OR5H2: variants seen among roughly 807,000 people sequenced by gnomAD.
OR5H2 encodes olfactory receptor family 5 subfamily H member 2.
For missense variants in OR5H2, 391 were observed against 364.4 expected (o/e 1.07, Z -0.59); for synonymous variants, 132 against 126.8 (o/e 1.04, Z -0.27).
At position 98,283,938 on chromosome 3, in the gene OR5H2, T is replaced by A; in HGVS notation, c.*106T>A. Reference sequence around the variant, plus strand: ...TGTAAATATAATTGTTTTAGCATTTTAATGACTTAGGGTTTTATACCTAAT... The same window carrying A: ...TGTAAATATAATTGTTTTAGCATTTAAATGACTTAGGGTTTTATACCTAAT... On this transcript the variant is annotated 3_prime_UTR_variant, in exon 1 of 1. Transcript: ENST00000355273. The A allele has an allele frequency of 1.6e-6, 1 of 629,904 alleles. No homozygotes were observed. The allele number at this position is 629,904 out of a possible 1,614,324, so 39.0% of individuals were successfully genotyped here. A position where few individuals can be genotyped will look rare whatever the true frequency, so the allele number is the denominator to read the frequency against.
Position 98,282,855 on chromosome 3 carries a change from G to A in OR5H2, c.-48G>A, listed in dbSNP as rs1194083739. On this transcript the variant is annotated 5_prime_UTR_variant, in exon 1 of 1. It removes an upstream start codon present in the reference 5' UTR. Transcript: ENST00000355273. The stretch of plus-strand genomic sequence containing the variant: ...ATTTGCTGTATAAGTCTTAGTGAAT[G>A]CTCTTTTACATTTACTGCATTTCAT... 1.3e-6 allele frequency: 2 copies of A among 1,548,024 alleles called. No homozygotes were observed. Among genetic ancestry groups the A allele is most frequent in the East Asian group, 2.2e-5 (1 of 44,546 alleles).
Position 98,283,393 on chromosome 3 carries a change from T to G in OR5H2, c.491T>G (p.Phe164Cys). The G allele has an allele frequency of 1.2e-6, 2 of 1,610,470 alleles. No homozygotes were observed. Among genetic ancestry groups the G allele is most frequent in the African/African-American group, 1.3e-5 (1 of 74,680 alleles). ...LHALIHEVLI[F>C]RLTFCNSNII... ...GCCTTAATTCATGAAGTCCTTATAT[T>G]CAGATTAACCTTCTGCAATTCTAAC... The change falls in exon 1 of 1, where the codon TTC (phenylalanine) becomes TGC (cysteine). Residue 164 changes from phenylalanine to cysteine, a missense_variant. By Grantham distance (205) the Phe-to-Cys change is radical. Coordinates refer to ENST00000355273, the MANE Select transcript of OR5H2 (RefSeq NM_001005482.2).
Position 98,283,232 on chromosome 3 carries a change from A to G in OR5H2, c.330A>G (p.Thr110=), listed in dbSNP as rs758813627. 6.2e-7 allele frequency: 1 copy of G among 1,614,018 alleles called. No individual in the cohort carries two copies. The highest frequency in any genetic ancestry group is 1.1e-5 in the South Asian group (1 of 91,072). Residue 110 remains threonine (T), a synonymous_variant, in exon 1 of 1, where the codon ACA becomes ACG. Transcript: ENST00000355273. ...QFFSFAFGGT[T]ECFLLATMAY... The stretch of plus-strand genomic sequence containing the variant: ...TTTCCTTTGCATTTGGTGGAACTAC[A>G]GAATGTTTTCTCTTGGCAACAATGG...
At position 98,283,564 on chromosome 3, in the gene OR5H2, C is replaced by T. The variant is rs1403119792; in HGVS notation, c.662C>T (p.Ala221Val). Residue 221 changes from alanine (A) to valine (V), a missense_variant, in exon 1 of 1, where the codon GCT (alanine) becomes GTT (valine). Physicochemically the swap from Ala to Val is moderately conservative, Grantham distance 64. Transcript: ENST00000355273. ...IVTVLNSYTFALFTILKKKSV... is the reference protein window; with the variant it reads ...IVTVLNSYTFVLFTILKKKSV... ...ACAGTTCTTAATTCTTACACATTTG[C>T]TCTTTTCACAATCCTAAAAAAGAAG... The T allele has an allele frequency of 1.2e-6, 2 of 1,613,186 alleles. No individual in the cohort carries two copies. The highest frequency in any genetic ancestry group is 2.2e-5 in the East Asian group (1 of 44,866).
rs966100746 is a variant in OR5H2, at chr3:98,283,470, A to G, written c.568A>G (p.Thr190Ala). The change falls in exon 1 of 1, where the codon ACT becomes GCT. Residue 190 changes from threonine (T) to alanine (A), a missense_variant. By Grantham distance (58) the Thr-to-Ala change is moderately conservative. Transcript: ENST00000355273. Reference protein sequence around the residue: ...DIIPLFMISCTDPSINFLMVF... With the variant: ...DIIPLFMISCADPSINFLMVF... ...TATACCACTGTTTATGATTTCCTGT[A>G]CTGACCCTTCTATTAATTTTCTAAT... The G allele has an allele frequency of 6.2e-7, 1 of 1,612,268 alleles. No homozygotes were observed. Among genetic ancestry groups the G allele is most frequent in the African/African-American group, 1.3e-5 (1 of 74,702 alleles).
At position 98,283,262 on chromosome 3, in the gene OR5H2, T is replaced by A; in HGVS notation, c.360T>A (p.Tyr120Ter). 6.2e-7 allele frequency: 1 copy of A among 1,613,982 alleles called. No individual in the cohort carries two copies. The highest frequency in any genetic ancestry group is 8.5e-7 in the Non-Finnish European group (1 of 1,179,940). Residue 120 changes from tyrosine to a stop codon, truncating the protein, a stop_gained, in exon 1 of 1, where the codon TAT (tyrosine) becomes TAA (stop). Transcript: ENST00000355273. LOFTEE classifies it low-confidence loss of function (END_TRUNC). ...TECFLLATMA[Y>*]DRYVAICKPL... ...GTTTTCTCTTGGCAACAATGGCATA[T>A]GATCGCTATGTAGCCATATGCAAAC...
chr3:98,283,704 G>C lies in OR5H2; in HGVS notation c.802G>C (p.Asp268His). The change falls in exon 1 of 1, where the codon GAT becomes CAT. Residue 268 changes from aspartate to histidine, a missense_variant. Physicochemically the swap from Asp to His is moderately conservative, Grantham distance 81. Coordinates refer to ENST00000355273, the MANE Select transcript of OR5H2 (RefSeq NM_001005482.2). ...TTTGCGCCCTGCATCTCCACAAGCA[G>C]ATGACCAAGATATGATAGACTCTGT... ...MYLRPASPQA[D>H]DQDMIDSVFY... The C allele has an allele frequency of 6.2e-7, 1 of 1,612,610 alleles. No homozygotes were observed. Among genetic ancestry groups the C allele is most frequent in the Non-Finnish European group, 8.5e-7 (1 of 1,179,378 alleles).
In OR5H2 at chr3:98,283,313, C is replaced by T. The variant is rs757996570; in HGVS notation, c.411C>T (p.Asn137=). Residue 137 remains asparagine, a synonymous_variant, in exon 1 of 1, where the codon AAC becomes AAT. Coordinates refer to ENST00000355273, the MANE Select transcript of OR5H2 (RefSeq NM_001005482.2). ...CTTTACTATATCCAGTGATTATGAACAATTCACTATGCATACGGCTGTTAG... is the reference window on the plus strand; with the variant it reads ...CTTTACTATATCCAGTGATTATGAATAATTCACTATGCATACGGCTGTTAG... The part of the protein sequence containing the change: ...CKPLLYPVIM[N]NSLCIRLLAF... The T allele has an allele frequency of 4.2e-5, 67 of 1,613,418 alleles. No homozygotes were observed. Among genetic ancestry groups the T allele is most frequent in the Non-Finnish European group, 4.9e-5 (58 of 1,179,886 alleles).
At position 98,283,316 on chromosome 3, in the gene OR5H2, T is replaced by G; in HGVS notation, c.414T>G (p.Asn138Lys). ...KPLLYPVIMN[N>K]SLCIRLLAFS... The stretch of plus-strand genomic sequence containing the variant: ...TACTATATCCAGTGATTATGAACAA[T>G]TCACTATGCATACGGCTGTTAGCCT... The change falls in exon 1 of 1, where the codon AAT becomes AAG. Residue 138 changes from asparagine (N) to lysine (K), a missense_variant. Asn to Lys is a moderately conservative substitution (Grantham distance 94). Coordinates refer to ENST00000355273, the MANE Select transcript of OR5H2 (RefSeq NM_001005482.2). 6.2e-7 allele frequency: 1 copy of G among 1,613,628 alleles called. No individual in the cohort carries two copies. Among genetic ancestry groups the G allele is most frequent in the Non-Finnish European group, 8.5e-7 (1 of 1,179,876 alleles).
chr3:98,283,327 T>A lies in OR5H2; in HGVS notation c.425T>A (p.Ile142Lys). Reference protein sequence around the residue: ...YPVIMNNSLCIRLLAFSFLGG... With the variant: ...YPVIMNNSLCKRLLAFSFLGG... ...GTGATTATGAACAATTCACTATGCA[T>A]ACGGCTGTTAGCCTTCTCATTTTTA... Residue 142 changes from isoleucine (I) to lysine (K), a missense_variant, in exon 1 of 1, where the codon ATA (isoleucine) becomes AAA (lysine). By Grantham distance (102) the Ile-to-Lys change is moderately radical. Transcript: ENST00000355273. The A allele has an allele frequency of 2.5e-6, 4 of 1,613,422 alleles. No individual in the cohort carries two copies. Among genetic ancestry groups the A allele is most frequent in the Non-Finnish European group, 3.4e-6 (4 of 1,179,854 alleles).
In OR5H2 at chr3:98,282,911, G is replaced by C; in HGVS notation, c.9G>C (p.Gln3His). The C allele has an allele frequency of 6.2e-7, 1 of 1,613,816 alleles. No individual in the cohort carries two copies. The highest frequency in any genetic ancestry group is 8.5e-7 in the Non-Finnish European group (1 of 1,179,806). ...GGATGTCGAATGAGGACATGGAACA[G>C]GATAATACAACATTGCTGACAGAGT... MEQDNTTLLTEFV... is the reference protein window; with the variant it reads MEHDNTTLLTEFV... The change falls in exon 1 of 1, where the codon CAG becomes CAC. Residue 3 changes from glutamine to histidine, a missense_variant. Gln to His is a conservative substitution (Grantham distance 24). Transcript: ENST00000355273.
In OR5H2 at chr3:98,283,266, C is replaced by T. The variant is rs770093101; in HGVS notation, c.364C>T (p.Arg122Cys). 33 of 1,613,606 alleles carry T rather than the reference C, an allele frequency of 2.0e-5. No individual in the cohort carries two copies. Among genetic ancestry groups the T allele is most frequent in the East Asian group, 8.9e-5 (4 of 44,880 alleles). The change falls in exon 1 of 1, where the codon CGC becomes TGC. Residue 122 changes from arginine to cysteine, a missense_variant. Coordinates refer to ENST00000355273, the MANE Select transcript of OR5H2 (RefSeq NM_001005482.2). ...TCTCTTGGCAACAATGGCATATGAT[C>T]GCTATGTAGCCATATGCAAACCTTT... ...CFLLATMAYD[R>C]YVAICKPLLY... is the part of the protein sequence containing the mutation.
Position 98,283,812 on chromosome 3 carries a change from A to G in OR5H2, c.910A>G (p.Met304Val). Residue 304 changes from methionine to valine, a missense_variant, in exon 1 of 1, where the codon ATG (methionine) becomes GTG (valine). By Grantham distance (21) the Met-to-Val change is conservative. Coordinates refer to ENST00000355273, the MANE Select transcript of OR5H2 (RefSeq NM_001005482.2). ...NKQVIDSFTKMVKRNV is the reference protein window; with the variant it reads ...NKQVIDSFTKVVKRNV ...ACAAGTAATAGATTCATTCACAAAA[A>G]TGGTAAAAAGAAATGTTTAGATTTC... is the stretch of plus-strand genomic sequence containing the variant. 2 of 1,534,236 alleles carry G rather than the reference A, an allele frequency of 1.3e-6. No homozygotes were observed. The highest frequency in any genetic ancestry group is 1.8e-6 in the Non-Finnish European group (2 of 1,135,570).
In OR5H2 at chr3:98,283,956, T is replaced by C. The variant is rs904534109; in HGVS notation, c.*124T>C. 3 of 556,398 alleles carry C rather than the reference T, an allele frequency of 5.4e-6. No homozygotes were observed. Among genetic ancestry groups the C allele is most frequent in the Admixed American group, 7.5e-5 (2 of 26,576 alleles). 34.5% of individuals were successfully genotyped at this position (556,398 alleles called of 1,614,324 possible). A position where few individuals can be genotyped will look rare whatever the true frequency, so the allele number is the denominator to read the frequency against. On this transcript the variant is annotated 3_prime_UTR_variant, in exon 1 of 1. Coordinates refer to ENST00000355273, the MANE Select transcript of OR5H2 (RefSeq NM_001005482.2). Reference sequence around the variant, plus strand: ...AGCATTTTAATGACTTAGGGTTTTATACCTAATAAACTCCTTAAAATATTT... The same window carrying C: ...AGCATTTTAATGACTTAGGGTTTTACACCTAATAAACTCCTTAAAATATTT...
Position 98,283,073 on chromosome 3 carries a change from C to G in OR5H2, c.171C>G (p.Ile57Met), listed in dbSNP as rs751390792. ...ALIWNDPQLH[I>M]PMYFFLGSLA... ...TCTGGAATGACCCACAACTTCACATCCCCATGTACTTTTTTCTTGGGAGTT... is the reference window on the plus strand; with the variant it reads ...TCTGGAATGACCCACAACTTCACATGCCCATGTACTTTTTTCTTGGGAGTT... Residue 57 changes from isoleucine to methionine, a missense_variant, in exon 1 of 1, where the codon ATC (isoleucine) becomes ATG (methionine). Physicochemically the swap from Ile to Met is conservative, Grantham distance 10. Transcript: ENST00000355273. The G allele has an allele frequency of 3.7e-6, 6 of 1,614,020 alleles. No individual in the cohort carries two copies. In the South Asian group the frequency reaches 5.5e-5, roughly 15 times the overall value.
At position 98,283,894 on chromosome 3, in the gene OR5H2, G is replaced by T; in HGVS notation, c.*62G>T. 1.1e-6 allele frequency: 1 copy of T among 906,388 alleles called. No homozygotes were observed. 56.1% of individuals were successfully genotyped at this position (906,388 alleles called of 1,614,324 possible). ...ATTTTGCAGTTAGATAAGGTGTTTT[G>T]CTAAGTGTTCAAAGTTATTGTAAAT... On this transcript the variant is annotated 3_prime_UTR_variant, in exon 1 of 1. Transcript: ENST00000355273.
rs1488987392 is a variant in OR5H2 at position 98,283,478 on chromosome 3, T to C, written c.576T>C (p.Pro192=). Residue 192 remains proline, a synonymous_variant, in exon 1 of 1, where the codon CCT becomes CCC. Transcript: ENST00000355273. ...TGTTTATGATTTCCTGTACTGACCC[T>C]TCTATTAATTTTCTAATGGTTTTTA... ...IPLFMISCTD[P]SINFLMVFIL... is the part of the protein sequence containing the mutation. The C allele has an allele frequency of 1.9e-6, 3 of 1,612,312 alleles. No homozygotes were observed. The highest frequency in any genetic ancestry group is 2.7e-5 in the African/African-American group (2 of 74,714).
chr3:98,283,531 C>G lies in OR5H2; in HGVS notation c.629C>G (p.Thr210Ser). 2 of 1,613,138 alleles carry G rather than the reference C, an allele frequency of 1.2e-6. No individual in the cohort carries two copies. Among genetic ancestry groups the G allele is most frequent in the Non-Finnish European group, 1.7e-6 (2 of 1,179,774 alleles). The change falls in exon 1 of 1, where the codon ACC (threonine) becomes AGC (serine). Residue 210 changes from threonine to serine, a missense_variant. By Grantham distance (58) the Thr-to-Ser change is moderately conservative (BLOSUM62 1). Transcript: ENST00000355273. ...TTGTCTGGCTCAATTCAGGTATTCA[C>G]CATTGTGACAGTTCTTAATTCTTAC... ...FILSGSIQVF[T>S]IVTVLNSYTF...
Position 98,283,648 on chromosome 3 carries a change from C to T in OR5H2, c.746C>T (p.Ser249Phe), listed in dbSNP as rs761466945. ...STCGAHLLSV[S>F]LYYGPLIFMY... Reference sequence around the variant, plus strand: ...TGTGGAGCCCATCTCTTATCTGTCTCTTTATATTATGGCCCACTTATCTTC... The same window carrying T: ...TGTGGAGCCCATCTCTTATCTGTCTTTTTATATTATGGCCCACTTATCTTC... The change falls in exon 1 of 1, where the codon TCT (serine) becomes TTT (phenylalanine). Residue 249 changes from serine to phenylalanine, a missense_variant. Physicochemically the swap from Ser to Phe is radical, Grantham distance 155. Coordinates refer to ENST00000355273, the MANE Select transcript of OR5H2 (RefSeq NM_001005482.2). The T allele has an allele frequency of 1.9e-6, 3 of 1,613,470 alleles. No individual in the cohort carries two copies. Among genetic ancestry groups the T allele is most frequent in the Non-Finnish European group, 2.5e-6 (3 of 1,179,802 alleles).
Sources: allele counts gnomAD v4.1 joint callset, GRCh38; gene constraint gnomAD v4.1.1; transcripts MANE v1.5; gene names NCBI Gene and HGNC (gene_info 2026-07-23, HGNC 2026-07-21).